Variants in ZGRF1 observed in about 807,000 individuals in gnomAD.
ZGRF1 encodes 5'-3' DNA helicase ZGRF1.
ZGRF1 carries 196 observed loss-of-function variants against 203.5 expected under a neutral mutation model. The observed-to-expected ratio is 0.96, with a 90% CI of 0.86 to 1.08. The LOEUF is 1.08. Ranked by LOEUF, ZGRF1 falls within the 50% of genes least tolerant of loss-of-function variation. ZGRF1 has a pLI of 0.00. For missense variants in ZGRF1, 2,326 were observed against 2,416.3 expected, an observed-to-expected ratio of 0.96 and a Z score of 0.78; for synonymous variants, 809 against 841.3, an observed-to-expected ratio of 0.96 and a Z score of 0.66.
rs753347169 is a variant in ZGRF1, at chr4:112,632,018, C to G, written c.22-8G>C. 10 of 1,397,420 alleles carry G rather than the reference C, an allele frequency of 7.2e-6. No homozygotes were observed. The highest frequency in any genetic ancestry group is 8.8e-6 in the Non-Finnish European group (9 of 1,028,104). The allele number at this position is 1,397,420 out of a possible 1,614,324, so 86.6% of individuals were successfully genotyped here. On this transcript the variant is annotated splice_region_variant and splice_polypyrimidine_tract_variant and intron_variant, in intron 2 of 27. Transcript: ENST00000505019. ...TTGATGAGTATATAGAACCTTATTT[C>G]CAAAAATACAAAAGAAATGGTTTCC...
chr4:112,611,640 AC>A (rs762841825), intron 7 of ZGRF1, among the ~76,000 whole-genome samples: 5 of 152,316 alleles, frequency 3.3e-5, no homozygotes, highest in African/African-American at 7.2e-5. Flanking sequence ...AAACTGTGCA[AC>A]AAGGTACCCT....
At chr4:112,615,376 C>G (rs1035806170) in intron 6 of ZGRF1, among the ~76,000 whole-genome samples, 1 of 151,244 alleles carries the variant, frequency 6.6e-6, no homozygotes, top group Non-Finnish European at 1.5e-5. Flanking sequence ...TACAGGTCCC[C>G]ACCACCACAC....
At chr4:112,591,127 A>G (rs1748102269) in intron 10 of ZGRF1, among the ~76,000 whole-genome samples, 1 of 152,154 alleles carries the variant, frequency 6.6e-6, no homozygotes, top group Non-Finnish European at 1.5e-5. Flanking sequence ...TCACTATAAA[A>G]ATAGTTTTAT....
rs150376479 is a variant in ZGRF1 at position 112,617,723 on chromosome 4, A to G, written c.2319T>C (p.Leu773=). The G allele has an allele frequency of 5.3e-4, 859 of 1,614,140 alleles. 6 individuals are homozygous for G. In the East Asian group the frequency reaches 0.018, roughly 34 times the overall value. Residue 773 remains leucine, a synonymous_variant, in exon 6 of 28, where the codon CTT becomes CTC. Coordinates refer to ENST00000505019, the MANE Select transcript of ZGRF1 (RefSeq NM_018392.5). ...SLFYPLGKKH[L]ISKDTEAHIS... ...TATGTGCTTCTGTGTCTTTGGAAAT[A>G]AGATGCTTTTTTCCCAGTGGGTAAA...
rs1258260614 is a variant in ZGRF1, at chr4:112,580,012, A to C, written c.4438+1651T>G. The stretch of plus-strand genomic sequence containing the variant: ...AAAGCTGGAGGCATCACGCTACCTG[A>C]CTTCAAACTATACTACAAACTATAC... On this transcript the variant is annotated intron_variant, in intron 16 of 27. Transcript: ENST00000505019. Among the ~76,000 whole-genome samples, 2 of 123,098 alleles carry C rather than the reference A, an allele frequency of 1.6e-5. 1 individual carries two copies. The highest frequency in any genetic ancestry group is 5.7e-5 in the African/African-American group (2 of 35,394). 80.8% of individuals were successfully genotyped at this position (123,098 alleles called of 152,430 possible). A position where few individuals can be genotyped will look rare whatever the true frequency, so the allele number is the denominator to read the frequency against.
chr4:112,586,462 A>T lies in ZGRF1; in HGVS notation c.3899T>A (p.Phe1300Tyr), dbSNP rs1470892857. 2 of 1,610,502 alleles carry T rather than the reference A, an allele frequency of 1.2e-6. No individual in the cohort carries two copies. Among genetic ancestry groups the T allele is most frequent in the Non-Finnish European group, 1.7e-6 (2 of 1,177,984 alleles). The change falls in exon 13 of 28, where the codon TTC becomes TAC. Residue 1300 changes from phenylalanine to tyrosine, a missense_variant. By Grantham distance (22) the Phe-to-Tyr change is conservative. Transcript: ENST00000505019. The part of the protein sequence containing the change: ...FQSPAHYKQT[F>Y]TSCLIEHLNI... ...AGCCATACCTATGAGGCAAGATGTG[A>T]AAGTCTGCTTATAATGAGCAGGAGA...
At chr4:112,555,235 G>C (rs1359935449) in intron 20 of ZGRF1, among the ~76,000 whole-genome samples, 1 of 152,148 alleles carries the variant, frequency 6.6e-6, no homozygotes, top group African/African-American at 2.4e-5. Context: ...TCAAGCCCAA[G>C]CAACTCTGTC....
At chr4:112,565,654 AAAAC>A (rs1303599534) in intron 16 of ZGRF1, among the ~76,000 whole-genome samples, 3 of 152,198 alleles carry the variant, frequency 2.0e-5, no homozygotes, top group Admixed American at 6.5e-5. Flanking sequence ...TTATAAGAAA[AAAAC>A]AAACAACCCC....
At position 112,560,936 on chromosome 4, in the gene ZGRF1, G is replaced by C; in HGVS notation, c.4757C>G (p.Ala1586Gly). 2 of 1,612,078 alleles carry C rather than the reference G, an allele frequency of 1.2e-6. No homozygotes were observed. Among genetic ancestry groups the C allele is most frequent in the Non-Finnish European group, 1.7e-6 (2 of 1,178,566 alleles). The change falls in exon 19 of 28, where the codon GCC (alanine) becomes GGC (glycine). Residue 1586 changes from alanine (A) to glycine (G), a missense_variant. Ala to Gly is a moderately conservative substitution (Grantham distance 60). Transcript: ENST00000505019. ...AAATTTTGTACTGACATTTGTGAAGGCTGGTGGGATAAATTTTCTCTTACT... is the reference window on the plus strand; with the variant it reads ...AAATTTTGTACTGACATTTGTGAAGCCTGGTGGGATAAATTTTCTCTTACT... ...RVSKRKFIPP[A>G]FTNVSTKFEL... is the part of the protein sequence containing the mutation.
intron 16 of ZGRF1, among the ~76,000 whole-genome samples, chr4:112,567,753 C>T (rs567105243): frequency 1.2e-4 from 19 of 152,132 alleles, no homozygotes; most frequent in Admixed American, 9.2e-4. Context: ...TAGCAAGACC[C>T]CATGGCTACA....
intron 24 of ZGRF1, among the ~76,000 whole-genome samples, chr4:112,544,503 T>TAGTAGAA (rs1406418873): frequency 6.6e-6 from 1 of 152,168 alleles, no homozygotes; most frequent in Non-Finnish European, 1.5e-5. Flanking sequence ...TGACAGTTTT[T>TAGTAGAA]AGTAGAATTG....
At chr4:112,562,053 GCATGCGCCAGTATGC>G (rs1742102044) in intron 18 of ZGRF1, among the ~76,000 whole-genome samples, 1 of 151,756 alleles carries the variant, frequency 6.6e-6, no homozygotes. Flanking sequence ...GTGATTACAG[GCATGCGCCAGTATGC>G]CCAGCTAATT....
At chr4:112,624,107 T>C in intron 3 of ZGRF1, 2 of 335,212 alleles carry the variant, frequency 6.0e-6, no homozygotes, top group Non-Finnish European at 1.1e-5. Flanking sequence ...TCGGGTCCCC[T>C]TCCACGCTGT....
At chr4:112,567,461 G>C (rs1453608697) in intron 16 of ZGRF1, among the ~76,000 whole-genome samples, 1 of 152,162 alleles carries the variant, frequency 6.6e-6, no homozygotes, top group African/African-American at 2.4e-5. Context: ...AAGAGGTAAA[G>C]GAAGATGGTA....
chr4:112,623,176 A>G (rs1560880110), intron 4 of ZGRF1, among the ~76,000 whole-genome samples: 1 of 152,216 alleles, frequency 6.6e-6, no homozygotes, highest in Admixed American at 6.5e-5. Flanking sequence ...TTCCTGCAAA[A>G]GAACATGATC....
intron 16 of ZGRF1, among the ~76,000 whole-genome samples, chr4:112,570,863 G>T (rs1578313960): frequency 6.6e-6 from 1 of 152,072 alleles, no homozygotes; most frequent in East Asian, 1.9e-4. Flanking sequence ...CAACACTTTG[G>T]GAGCCCAGGC....
At chr4:112,542,028 G>A (rs746546744) in intron 24 of ZGRF1, among the ~76,000 whole-genome samples, 4 of 151,902 alleles carry the variant, frequency 2.6e-5, no homozygotes, top group Admixed American at 6.6e-5. Context: ...AACGCTCTTC[G>A]AGCAAAAAGT....
Position 112,579,944 on chromosome 4 carries a change from A to G in ZGRF1, c.4438+1719T>C, listed in dbSNP as rs1315345574. ...CTACTTTGAAGTTCACATGGAACCA[A>G]AAAAGAGCCCACATTGCTAAGTCGA... On this transcript the variant is annotated intron_variant, in intron 16 of 27. Coordinates refer to ENST00000505019, the MANE Select transcript of ZGRF1 (RefSeq NM_018392.5). Among the ~76,000 whole-genome samples, 10 of 122,944 alleles carry G rather than the reference A, an allele frequency of 8.1e-5. 3 individuals carry two copies. The Admixed American group carries it at 9.2e-4, about 11-fold the overall frequency. The allele number at this position is 122,944 out of a possible 152,430, so 80.7% of individuals were successfully genotyped here.
intron 4 of ZGRF1, among the ~76,000 whole-genome samples, chr4:112,621,375 C>T (rs2047053090): frequency 6.6e-6 from 1 of 152,100 alleles, no homozygotes; most frequent in East Asian, 1.9e-4. Context: ...TATCACCAGA[C>T]GCAGTGGCTC....
Sources: allele counts gnomAD v4.1 joint callset (sites outside exome capture counted in the v4.1 genomes callset), GRCh38; gene constraint gnomAD v4.1.1; transcripts MANE v1.5; gene names NCBI Gene and HGNC (gene_info 2026-07-23, HGNC 2026-07-21).